The following PDE7A variants were observed in gnomAD, a reference collection of about 807,000 sequenced individuals.
PDE7A encodes the protein phosphodiesterase 7A, also known as high affinity 3',5'-cyclic-AMP phosphodiesterase 7A.
In PDE7A, 39 loss-of-function variants were observed where a neutral mutation model predicts 64.3. The observed-to-expected ratio is 0.61, with a 90% CI of 0.47 to 0.79. PDE7A has a LOEUF of 0.79. Ranked by LOEUF, PDE7A falls within the 30% of genes least tolerant of loss-of-function variation. The pLI, the probability that PDE7A is intolerant of heterozygous loss-of-function variation, is 0.00. For missense variants in PDE7A, 470 were observed against 582.8 expected (o/e 0.81, Z 1.99); for synonymous variants, 203 against 206.8 (o/e 0.98, Z 0.16).
intron 1 of PDE7A, among the ~76,000 whole-genome samples, chr8:65,794,046 T>G (rs1809772195): frequency 6.6e-6 from 1 of 152,188 alleles, no homozygotes; most frequent in Non-Finnish European, 1.5e-5. Context: ...AGCTCATAAG[T>G]GCTTATAGGC....
intron 1 of PDE7A, among the ~76,000 whole-genome samples, chr8:65,815,039 C>T (rs1200592523): frequency 6.6e-6 from 1 of 151,760 alleles, no homozygotes; most frequent in Non-Finnish European, 1.5e-5. Flanking sequence ...TGAGATTGCG[C>T]CACTGTACTT....
intron 1 of PDE7A, among the ~76,000 whole-genome samples, chr8:65,820,657 T>C (rs967542571): frequency 6.6e-6 from 1 of 152,182 alleles, no homozygotes. Context: ...TGGCGCAATC[T>C]TGACTCACTG....
chr8:65,740,622 G>C (rs182583274), intron 5 of PDE7A, among the ~76,000 whole-genome samples: 1 of 152,024 alleles, frequency 6.6e-6, no homozygotes, highest in South Asian at 2.1e-4. Context: ...GGCTGGTCTC[G>C]AACTCCTGAC....
chr8:65,736,889 T>C (rs1321933472), intron 6 of PDE7A, among the ~76,000 whole-genome samples: 2 of 54,080 alleles, frequency 3.7e-5, no homozygotes, highest in Non-Finnish European at 6.5e-5. Flanking sequence ...GTATTGAGGC[T>C]TTTTTTTTTT....
chr8:65,835,793 C>T (rs1810936450), intron 1 of PDE7A, among the ~76,000 whole-genome samples: 1 of 152,162 alleles, frequency 6.6e-6, no homozygotes, highest in South Asian at 2.1e-4. Context: ...GCTGATGGAA[C>T]TCTAGGCATA....
At chr8:65,750,496 G>GTC (rs1438457923) in intron 3 of PDE7A, among the ~76,000 whole-genome samples, 1 of 144,584 alleles carries the variant, frequency 6.9e-6, no homozygotes, top group Non-Finnish European at 1.5e-5. Context: ...GTGTGTGTGT[G>GTC]TGTGTGTCTG....
intron 3 of PDE7A, among the ~76,000 whole-genome samples, chr8:65,758,859 C>T (rs1469422986): frequency 6.6e-6 from 1 of 152,172 alleles, no homozygotes; most frequent in Non-Finnish European, 1.5e-5. Flanking sequence ...CCATCTGTAG[C>T]CCCCCAGGGC....
chr8:65,839,635 A>T (rs1317604740), intron 1 of PDE7A, among the ~76,000 whole-genome samples: 1 of 152,200 alleles, frequency 6.6e-6, no homozygotes, highest in Non-Finnish European at 1.5e-5. Flanking sequence ...AAATTTTTTT[A>T]AAAGTTGTAA....
chr8:65,840,827 A>G (rs1811061824), intron 1 of PDE7A, among the ~76,000 whole-genome samples: 1 of 152,248 alleles, frequency 6.6e-6, no homozygotes, highest in Non-Finnish European at 1.5e-5. Context: ...GATACCCAGT[A>G]CAGCCCAGCC....
At position 65,782,779 on chromosome 8, in the gene PDE7A, T is replaced by A. The variant is rs754976224; in HGVS notation, c.199+4A>T. 2 of 1,528,814 alleles carry A rather than the reference T, an allele frequency of 1.3e-6. No individual in the cohort carries two copies. Among genetic ancestry groups the A allele is most frequent in the South Asian group, 2.3e-5 (2 of 86,852 alleles). 94.7% of individuals were successfully genotyped at this position (1,528,814 alleles called of 1,614,324 possible). A position where few individuals can be genotyped will look rare whatever the true frequency, so the allele number is the denominator to read the frequency against. Reference sequence around the variant, plus strand: ...GATATTGGTATAAAATAAATAATGCTTACCTAGCATACGAATGTATAATGC... The same window carrying A: ...GATATTGGTATAAAATAAATAATGCATACCTAGCATACGAATGTATAATGC... On this transcript the variant is annotated splice_donor_region_variant and intron_variant, in intron 2 of 12. Transcript: ENST00000401827.
intron 1 of PDE7A, among the ~76,000 whole-genome samples, chr8:65,814,343 C>G (rs1438696556): frequency 4.0e-5 from 6 of 150,748 alleles, no homozygotes; most frequent in Non-Finnish European, 8.9e-5. Flanking sequence ...AACCCCGTCT[C>G]TACTAAAAAT....
chr8:65,793,428 G>T (rs1384353772), intron 1 of PDE7A, among the ~76,000 whole-genome samples: 1 of 150,064 alleles, frequency 6.7e-6, no homozygotes, highest in African/African-American at 2.5e-5. Flanking sequence ...TCTGCATTTT[G>T]ATATACAATA....
At chr8:65,802,336 T>C (rs1229969416) in intron 1 of PDE7A, among the ~76,000 whole-genome samples, 2 of 152,228 alleles carry the variant, frequency 1.3e-5, no homozygotes, top group Non-Finnish European at 2.9e-5. Context: ...GCAAGTTTTA[T>C]GTTAGGCATA....
At chr8:65,799,772 A>C (rs113628305) in intron 1 of PDE7A, among the ~76,000 whole-genome samples, 45 of 152,310 alleles carry the variant, frequency 3.0e-4, no homozygotes, top group African/African-American at 9.9e-4. Context: ...CAAGACTGCT[A>C]AGTAGGATTA....
intron 8 of PDE7A, 44 bp from the exon 9 acceptor site, chr8:65,727,010 T>C (rs1242775951): frequency 1.8e-6 from 2 of 1,121,864 alleles, no homozygotes; most frequent in Admixed American, 1.7e-5. Flanking sequence ...ATACGTCTCT[T>C]TCTGGACATA....
At position 65,777,746 on chromosome 8, in the gene PDE7A, A is replaced by G. The variant is rs955074203; in HGVS notation, c.283+1974T>C. Among the ~76,000 whole-genome samples, 3 of 152,202 alleles carry G rather than the reference A, an allele frequency of 2.0e-5. No homozygotes were observed. In the East Asian group the frequency reaches 5.8e-4, roughly 29 times the overall value. On this transcript the variant is annotated intron_variant, in intron 3 of 12. Transcript: ENST00000401827. ...TCTACCTTTTTAGTTTCTGTGGAAA[A>G]TGAAACCATCTGTTTCTGGCAATCT...
intron 3 of PDE7A, among the ~76,000 whole-genome samples, chr8:65,764,067 G>T (rs1347540483): frequency 6.6e-6 from 1 of 152,148 alleles, no homozygotes; most frequent in African/African-American, 2.4e-5. Context: ...CACATACATG[G>T]GGCAGAATGC....
rs78621488 is a variant in PDE7A, at chr8:65,797,544, A to G, written c.139-14701T>C. On this transcript the variant is annotated intron_variant, in intron 1 of 12. Coordinates refer to ENST00000401827, the MANE Select transcript of PDE7A (RefSeq NM_001242318.3). ...TCCAGCCTCCAGAAGTGTGAGACAG[A>G]TAATTTCTGTTGTTTTAAGCCACCG... Among the ~76,000 whole-genome samples, 561 of 152,332 alleles carry G rather than the reference A, an allele frequency of 3.7e-3. 3 individuals are homozygous for G. Among genetic ancestry groups the G allele is most frequent in the Non-Finnish European group, 6.7e-3 (457 of 68,022 alleles).
At chr8:65,775,546 G>A (rs1165864452) in intron 3 of PDE7A, among the ~76,000 whole-genome samples, 1 of 152,150 alleles carries the variant, frequency 6.6e-6, no homozygotes, top group Non-Finnish European at 1.5e-5. Flanking sequence ...AAATTTCCAG[G>A]TGGCCAGGCC....
Sources: allele counts gnomAD v4.1 joint callset (sites outside exome capture counted in the v4.1 genomes callset), GRCh38; gene constraint gnomAD v4.1.1; transcripts MANE v1.5; gene names NCBI Gene and HGNC (gene_info 2026-07-23, HGNC 2026-07-21).